The following GREM2 variants were observed in gnomAD, a reference collection of about 807,000 sequenced individuals.
The protein encoded by GREM2 is gremlin 2, DAN family BMP antagonist, also known as gremlin-2.
In GREM2, 11 loss-of-function variants were observed where a neutral mutation model predicts 14.2. The ratio of observed to expected loss-of-function variants is 0.78; its 90% confidence interval spans 0.49 to 1.28. GREM2 has a LOEUF of 1.28. Among genes scored for constraint, GREM2 ranks in the 50% most tolerant of loss-of-function variants. The probability of loss-of-function intolerance (pLI) is 0.00; values close to 1 mark genes in which losing one functional copy is unlikely to be tolerated. For missense variants in GREM2, 210 were observed against 218.5 expected, an observed-to-expected ratio of 0.96 and a Z score of 0.24; for synonymous variants, 98 against 97.6, an observed-to-expected ratio of 1.00 and a Z score of -0.02.
intron 1 of GREM2, among the ~76,000 whole-genome samples, chr1:240,568,312 A>C (rs1679202524): frequency 6.6e-6 from 1 of 152,202 alleles, no homozygotes; most frequent in Admixed American, 6.5e-5. Flanking sequence ...TCTAAAGCAA[A>C]GACTAAAACA....
intron 1 of GREM2, among the ~76,000 whole-genome samples, chr1:240,555,821 T>C (rs74483518): frequency 6.6e-6 from 1 of 152,364 alleles, no homozygotes; most frequent in Non-Finnish European, 1.5e-5. Context: ...GAGAATAGCA[T>C]GATTGCAAAC....
intron 1 of GREM2, among the ~76,000 whole-genome samples, chr1:240,494,857 C>T (rs1015309197): frequency 1.3e-5 from 2 of 151,912 alleles, no homozygotes; most frequent in South Asian, 2.1e-4. Context: ...GCCGAGATGG[C>T]GTCACTGTAT....
chr1:240,554,171 G>A (rs1678908747), intron 1 of GREM2, among the ~76,000 whole-genome samples: 1 of 152,098 alleles, frequency 6.6e-6, no homozygotes, highest in East Asian at 1.9e-4. Context: ...AGCACTTTGG[G>A]AGGCCGAGGC....
intron 1 of GREM2, among the ~76,000 whole-genome samples, chr1:240,592,095 T>A (rs553664476): frequency 4.6e-5 from 7 of 152,154 alleles, no homozygotes; most frequent in African/African-American, 1.7e-4. Flanking sequence ...CATCTTGGCA[T>A]TGGAACCAAA....
At chr1:240,556,522 A>C (rs950597086) in intron 1 of GREM2, among the ~76,000 whole-genome samples, 1 of 152,206 alleles carries the variant, frequency 6.6e-6, no homozygotes, top group Non-Finnish European at 1.5e-5. Flanking sequence ...ATCTGAGGAA[A>C]TCCTCTAAGA....
chr1:240,518,520 G>T (rs10926289), intron 1 of GREM2, among the ~76,000 whole-genome samples: 111,251 of 152,124 alleles, frequency 0.73, 41,917 homozygotes, highest in African/African-American at 0.91. Flanking sequence ...TAGTTTTTGG[G>T]TTTTTTTAAA....
At chr1:240,583,002 T>C (rs2103379418) in intron 1 of GREM2, among the ~76,000 whole-genome samples, 1 of 152,334 alleles carries the variant, frequency 6.6e-6, no homozygotes, top group East Asian at 1.9e-4. Context: ...TTGTATTTTC[T>C]TTCTCCTTTT....
rs769101798 is a variant in GREM2, at chr1:240,493,104, C to T, written c.372G>A (p.Lys124=). The T allele has an allele frequency of 6.2e-6, 10 of 1,614,146 alleles. No homozygotes were observed. Among genetic ancestry groups the T allele is most frequent in the Middle Eastern group, 1.7e-4 (1 of 6,058 alleles). ...EESFQSCAFC[K]PQRVTSVLVE... ...CGAGGACGGAGGTGACGCGCTGGGG[C>T]TTGCAGAAGGCGCAGGACTGGAAGG... The change falls in exon 2 of 2, where the codon AAG becomes AAA. Residue 124 remains lysine, a synonymous_variant. Coordinates refer to ENST00000318160, the MANE Select transcript of GREM2 (RefSeq NM_022469.4).
chr1:240,599,779 C>T (rs904596614), intron 1 of GREM2, among the ~76,000 whole-genome samples: 1 of 152,220 alleles, frequency 6.6e-6, no homozygotes, highest in African/African-American at 2.4e-5. Flanking sequence ...TTATCCATCA[C>T]ACCAGCTGAA....
At chr1:240,552,874 T>A (rs1678881678) in intron 1 of GREM2, among the ~76,000 whole-genome samples, 1 of 152,210 alleles carries the variant, frequency 6.6e-6, no homozygotes, top group Non-Finnish European at 1.5e-5. Context: ...TCTTCTCTTG[T>A]GTAGTGTTCC....
chr1:240,605,783 CAG>C (rs1275014055), intron 1 of GREM2, among the ~76,000 whole-genome samples: 1 of 151,774 alleles, frequency 6.6e-6, no homozygotes, highest in Non-Finnish European at 1.5e-5. Flanking sequence ...AGGGGAATGA[CAG>C]ATAAATTTAC....
chr1:240,509,962 G>C (rs1001078175), intron 1 of GREM2, among the ~76,000 whole-genome samples: 2 of 152,150 alleles, frequency 1.3e-5, no homozygotes, highest in South Asian at 2.1e-4. Flanking sequence ...TGGAAGCTAC[G>C]GTTAAGCCTT....
Position 240,519,342 on chromosome 1 carries a change from G to GT in GREM2, c.-1-25867dup, listed in dbSNP as rs201469455. On this transcript the variant is annotated intron_variant, in intron 1 of 1. Transcript: ENST00000318160. Reference sequence around the variant, plus strand: ...TCACAACTTTCTCCTAACTTCTCTAGTTTTTTTTTTTTCCTTTATTTCCTT... The same window carrying GT: ...TCACAACTTTCTCCTAACTTCTCTAGTTTTTTTTTTTTTCCTTTATTTCCTT... Among the ~76,000 whole-genome samples, 360 of 145,644 alleles carry GT rather than the reference G, an allele frequency of 2.5e-3. 1 individual carries two copies. Among genetic ancestry groups the GT allele is most frequent in the African/African-American group, 5.9e-3 (237 of 40,056 alleles).
intron 1 of GREM2, among the ~76,000 whole-genome samples, chr1:240,602,924 C>A (rs1571953748): frequency 6.6e-6 from 1 of 151,750 alleles, no homozygotes; most frequent in South Asian, 2.1e-4. Flanking sequence ...ATACAAAATA[C>A]TAGCCGGGTG....
At chr1:240,500,057 G>C (rs1677532399) in intron 1 of GREM2, among the ~76,000 whole-genome samples, 1 of 152,088 alleles carries the variant, frequency 6.6e-6, no homozygotes, top group Non-Finnish European at 1.5e-5. Context: ...TTCAAACAGA[G>C]AGCAAAACAG....
chr1:240,493,135 T>G lies in GREM2; in HGVS notation c.341A>C (p.Glu114Ala). ...GAAGGCGCAGGACTGGAAGGACTCC[T>G]CCTCCTTCTTCACGTGCCGCGGGAT... ...FYIPRHVKKEEESFQSCAFCK... is the reference protein window; with the variant it reads ...FYIPRHVKKEAESFQSCAFCK... The change falls in exon 2 of 2, where the codon GAG becomes GCG. Residue 114 changes from glutamate to alanine, a missense_variant. By Grantham distance (107) the Glu-to-Ala change is moderately radical (BLOSUM62 -1). Coordinates refer to ENST00000318160, the MANE Select transcript of GREM2 (RefSeq NM_022469.4). The G allele has an allele frequency of 2.5e-6, 4 of 1,614,198 alleles. No homozygotes were observed. Among genetic ancestry groups the G allele is most frequent in the Non-Finnish European group, 3.4e-6 (4 of 1,180,032 alleles).
intron 1 of GREM2, among the ~76,000 whole-genome samples, chr1:240,556,426 CTTA>C (rs1008812397): frequency 3.3e-5 from 5 of 152,188 alleles, no homozygotes; most frequent in African/African-American, 1.2e-4. Flanking sequence ...AGGAAGTCTA[CTTA>C]TTAGTCTTGC....
chr1:240,538,452 A>G (rs890849639), intron 1 of GREM2, among the ~76,000 whole-genome samples: 1 of 152,144 alleles, frequency 6.6e-6, no homozygotes, highest in African/African-American at 2.4e-5. Context: ...CTGTAATCCC[A>G]GCACTTTGGC....
At chr1:240,519,316 A>G (rs192617448) in intron 1 of GREM2, among the ~76,000 whole-genome samples, 7 of 151,388 alleles carry the variant, frequency 4.6e-5, no homozygotes, top group Non-Finnish European at 1.0e-4. Context: ...TGATTCTACT[A>G]TCACAACTTT....
Sources: allele counts gnomAD v4.1 joint callset (sites outside exome capture counted in the v4.1 genomes callset), GRCh38; gene constraint gnomAD v4.1.1; transcripts MANE v1.5; gene names NCBI Gene and HGNC (gene_info 2026-07-23, HGNC 2026-07-21).